FOXN3: variants seen among roughly 807,000 people sequenced by gnomAD.
FOXN3 encodes the protein forkhead box N3, also known as forkhead box protein N3.
A neutral mutation model predicts 38.4 loss-of-function variants in FOXN3; 7 were observed. The ratio of observed to expected loss-of-function variants is 0.18; its 90% CI spans 0.10 to 0.34. FOXN3 has a LOEUF of 0.34. Ranked by LOEUF, FOXN3 falls within the 10% of genes least tolerant of loss-of-function variation. The pLI, the probability that FOXN3 is intolerant of heterozygous loss-of-function variation, is 1.00. For synonymous variants in FOXN3, 230 were observed against 242.2 expected (o/e 0.95, Z 0.47); for missense variants, 456 against 613.4 (o/e 0.74, Z 2.71).
intron 4 of FOXN3, among the ~76,000 whole-genome samples, chr14:89,235,060 C>T (rs1353097460): frequency 6.6e-6 from 1 of 152,162 alleles, no homozygotes; most frequent in African/African-American, 2.4e-5. Context: ...GTCACTTCTG[C>T]CCACTCTCTG....
At chr14:89,196,359 A>T (rs2077843066) in intron 4 of FOXN3, among the ~76,000 whole-genome samples, 1 of 152,156 alleles carries the variant, frequency 6.6e-6, no homozygotes, top group African/African-American at 2.4e-5. Flanking sequence ...GGACGGGAAA[A>T]GCACTGCACT....
chr14:89,467,049 T>C (rs887681702), intron 1 of FOXN3, among the ~76,000 whole-genome samples: 7 of 152,158 alleles, frequency 4.6e-5, no homozygotes, highest in Non-Finnish European at 1.0e-4. Flanking sequence ...GCGATGGTAA[T>C]AATCATGAAC....
intron 1 of FOXN3, among the ~76,000 whole-genome samples, chr14:89,448,433 CCA>C (rs1892553222): frequency 6.6e-6 from 1 of 151,870 alleles, no homozygotes; most frequent in Non-Finnish European, 1.5e-5. Context: ...GCTCGAACAC[CCA>C]CATGCACCCT....
intron 5 of FOXN3, among the ~76,000 whole-genome samples, chr14:89,178,904 C>T (rs767351860): frequency 1.3e-4 from 20 of 152,290 alleles, no homozygotes; most frequent in Non-Finnish European, 2.8e-4. Context: ...TATTTAGAAT[C>T]TGCTAATAAA....
At chr14:89,210,442 C>G (rs1311942311) in intron 4 of FOXN3, among the ~76,000 whole-genome samples, 1 of 152,192 alleles carries the variant, frequency 6.6e-6, no homozygotes, top group East Asian at 1.9e-4. Flanking sequence ...AACCTCTTTT[C>G]TTTATAAATT....
intron 4 of FOXN3, among the ~76,000 whole-genome samples, chr14:89,181,213 G>A (rs1368400674): frequency 2.0e-5 from 3 of 151,684 alleles, no homozygotes; most frequent in Non-Finnish European, 4.4e-5. Flanking sequence ...AAAAAAAAAA[G>A]TGAGTTTTCA....
chr14:89,306,990 T>G (rs1180995393), intron 3 of FOXN3, among the ~76,000 whole-genome samples: 2 of 152,234 alleles, frequency 1.3e-5, no homozygotes, highest in Non-Finnish European at 2.9e-5. Flanking sequence ...TAGAAAAAGT[T>G]TGCAGAAGCC....
intron 1 of FOXN3, among the ~76,000 whole-genome samples, chr14:89,414,551 GTTTTTTTTTTT>G (rs748504239): frequency 8.1e-6 from 1 of 122,908 alleles, no homozygotes; most frequent in Admixed American, 8.7e-5. Flanking sequence ...GGCCCAACCG[GTTTTTTTTTTT>G]TTTTTTTTTG....
intron 3 of FOXN3, among the ~76,000 whole-genome samples, chr14:89,312,759 G>T (rs1363001509): frequency 6.6e-6 from 1 of 152,082 alleles, no homozygotes. Flanking sequence ...TACAACATTG[G>T]ACTGTTAGAA....
At chr14:89,350,390 T>C (rs566668331) in intron 3 of FOXN3, 1 of 262,806 alleles carries the variant, frequency 3.8e-6, no homozygotes, top group Non-Finnish European at 7.1e-6. Flanking sequence ...CACCGAGATG[T>C]GAAAGCTGTC....
At chr14:89,383,037 T>C (rs1354780402) in intron 2 of FOXN3, among the ~76,000 whole-genome samples, 1 of 149,070 alleles carries the variant, frequency 6.7e-6, no homozygotes, top group Admixed American at 6.7e-5. Context: ...GTGTTTTTTT[T>C]TTTTTTTTTT....
chr14:89,478,543 C>T (rs1893257395), intron 1 of FOXN3, among the ~76,000 whole-genome samples: 1 of 152,144 alleles, frequency 6.6e-6, no homozygotes, highest in Non-Finnish European at 1.5e-5. Flanking sequence ...CAGGATCATA[C>T]ATTCTTGGGT....
chr14:89,491,531 G>A (rs1893575605), intron 1 of FOXN3, among the ~76,000 whole-genome samples: 1 of 152,186 alleles, frequency 6.6e-6, no homozygotes, highest in African/African-American at 2.4e-5. Context: ...ATGGACAGGG[G>A]CACAGGATGC....
chr14:89,450,517 G>A (rs1017140623), intron 1 of FOXN3, among the ~76,000 whole-genome samples: 3 of 151,946 alleles, frequency 2.0e-5, no homozygotes, highest in African/African-American at 7.3e-5. Context: ...ATCTGCCAAC[G>A]AGGGGCAGGA....
upstream of FOXN3, among the ~76,000 whole-genome samples, chr14:89,418,650 C>T (rs1223105028): frequency 6.6e-6 from 1 of 152,076 alleles, no homozygotes; most frequent in East Asian, 1.9e-4. Flanking sequence ...AGTCACTAAG[C>T]AAAAGGCACA....
chr14:89,278,710 G>A (rs755499751), intron 4 of FOXN3, among the ~76,000 whole-genome samples: 13 of 152,166 alleles, frequency 8.5e-5, no homozygotes, highest in Non-Finnish European at 1.9e-4. Flanking sequence ...GTGGCTGGAA[G>A]CTATTAACAG....
At chr14:89,175,355 A>G (rs986191651) in intron 5 of FOXN3, among the ~76,000 whole-genome samples, 1 of 152,190 alleles carries the variant, frequency 6.6e-6, no homozygotes, top group African/African-American at 2.4e-5. Flanking sequence ...TTCAAAGCCA[A>G]TGGCTTTGCC....
intron 1 of FOXN3, among the ~76,000 whole-genome samples, chr14:89,473,237 G>A (rs1289075104): frequency 6.6e-6 from 1 of 151,882 alleles, no homozygotes; most frequent in East Asian, 1.9e-4. Context: ...TGTTGGCCAG[G>A]ATGGGCTTGA....
At chr14:89,520,939 T>A (rs1174988173) in intron 1 of FOXN3, among the ~76,000 whole-genome samples, 1 of 152,186 alleles carries the variant, frequency 6.6e-6, no homozygotes, top group Non-Finnish European at 1.5e-5. Context: ...TAAAATATGC[T>A]CATCATAAAC....
Sources: gnomAD v4.1 joint callset for allele counts (sites outside exome capture counted in the v4.1 genomes callset) on GRCh38, gnomAD v4.1.1 for gene constraint, MANE v1.5 for transcripts, NCBI Gene and HGNC (gene_info 2026-07-23, HGNC 2026-07-21) for gene names.